The following TANC2 variants were observed in gnomAD, a reference collection of about 807,000 sequenced individuals.
TANC2 encodes the protein tetratricopeptide repeat, ankyrin repeat and coiled-coil containing 2.
Under a neutral mutation model 210.5 loss-of-function variants are expected in TANC2, and 26 were observed. The ratio of observed to expected loss-of-function variants is 0.12; its 90% CI spans 0.09 to 0.17. The LOEUF (loss-of-function observed/expected upper bound fraction) is 0.17. Among genes scored for constraint, TANC2 ranks in the 10% least tolerant of loss-of-function variants. TANC2 has a pLI of 1.00. For missense variants in TANC2, 2,129 were observed against 2,608.9 expected, an observed-to-expected ratio of 0.82 and a Z score of 4.01; for synonymous variants, 931 against 967.1, an observed-to-expected ratio of 0.96 and a Z score of 0.69.
intron 9 of TANC2, among the ~76,000 whole-genome samples, chr17:63,311,426 T>G (rs1322943130): frequency 6.6e-6 from 1 of 152,198 alleles, no homozygotes; most frequent in Non-Finnish European, 1.5e-5. Context: ...TAAGTATATA[T>G]GGTACAGGCA....
chr17:63,061,345 T>A (rs1485994842), intron 2 of TANC2, among the ~76,000 whole-genome samples: 1 of 151,002 alleles, frequency 6.6e-6, no homozygotes, highest in Non-Finnish European at 1.5e-5. Context: ...CCAGCCTGGG[T>A]GACAAGAGCG....
intron 15 of TANC2, 51 bp from the exon 16 acceptor site, chr17:63,388,584 C>G: frequency 1.9e-6 from 3 of 1,560,410 alleles, no homozygotes; most frequent in Non-Finnish European, 2.6e-6. Context: ...ACCACTGATG[C>G]TACTTTTTTT....
At chr17:63,240,896 T>C (rs1194394164) in intron 8 of TANC2, among the ~76,000 whole-genome samples, 1 of 152,226 alleles carries the variant, frequency 6.6e-6, no homozygotes, top group East Asian at 1.9e-4. Context: ...CAGTCTACTT[T>C]GTGTTATGTG....
chr17:63,308,517 G>A (rs913712364), intron 9 of TANC2, among the ~76,000 whole-genome samples: 2 of 152,134 alleles, frequency 1.3e-5, no homozygotes, highest in African/African-American at 4.8e-5. Context: ...CAAGTACTCA[G>A]CCTGACATTC....
At chr17:63,128,342 T>G (rs1319044607) in intron 4 of TANC2, among the ~76,000 whole-genome samples, 1 of 152,142 alleles carries the variant, frequency 6.6e-6, no homozygotes, top group East Asian at 1.9e-4. Context: ...TCAAAATAAC[T>G]CATACGCCCC....
intron 5 of TANC2, among the ~76,000 whole-genome samples, chr17:63,185,620 C>G (rs1162699255): frequency 6.6e-6 from 1 of 152,176 alleles, no homozygotes; most frequent in East Asian, 1.9e-4. Context: ...TTTACATTCC[C>G]ATCAGCACAG....
At chr17:63,109,085 C>T (rs529153832) in intron 4 of TANC2, among the ~76,000 whole-genome samples, 2 of 151,036 alleles carry the variant, frequency 1.3e-5, no homozygotes, top group African/African-American at 2.5e-5. Context: ...TGAAATGTAG[C>T]CAAAGTGGTA....
chr17:62,968,901 G>C (rs1021850049), intron 1 of TANC2, among the ~76,000 whole-genome samples: 1 of 152,106 alleles, frequency 6.6e-6, no homozygotes, highest in African/African-American at 2.4e-5. Context: ...CAGGAAGAGG[G>C]TGCAATACAA....
At chr17:63,377,376 T>A (rs1195545527) in intron 14 of TANC2, among the ~76,000 whole-genome samples, 1 of 152,212 alleles carries the variant, frequency 6.6e-6, no homozygotes. Flanking sequence ...TCTTGAATGT[T>A]TTGCTACTTA....
chr17:62,993,175 C>G (rs1490743165), intron 1 of TANC2, among the ~76,000 whole-genome samples: 1 of 152,192 alleles, frequency 6.6e-6, no homozygotes, highest in Non-Finnish European at 1.5e-5. Flanking sequence ...TCAACTTAAT[C>G]ACATCTTCAG....
intron 7 of TANC2, among the ~76,000 whole-genome samples, chr17:63,233,650 A>G (rs1197974457): frequency 1.3e-5 from 2 of 152,174 alleles, no homozygotes; most frequent in Non-Finnish European, 2.9e-5. Context: ...CCAAACGCAT[A>G]TATTTCTCGT....
chr17:63,420,652 A>G lies in TANC2; in HGVS notation c.4922A>G (p.Gln1641Arg), dbSNP rs1328260134. Reference sequence around the variant, plus strand: ...GAAAGTATGAGTGTCTATAGATCCCAGTCTGGTTCACCCGTGCGCTATCAG... The same window carrying G: ...GAAAGTATGAGTGTCTATAGATCCCGGTCTGGTTCACCCGTGCGCTATCAG... Residue 1641 changes from glutamine (Q) to arginine (R), a missense_variant, in exon 28 of 28, where the codon CAG becomes CGG. Around this residue, in one of 5 missense-constraint regions of TANC2, gnomAD observed 584 missense variants for 627.3 expected, o/e 0.93. Coordinates refer to ENST00000689528, the Ensembl canonical transcript of TANC2. The surrounding 1 kb of genome is among the most constrained non-coding windows in gnomAD (Gnocchi z 4.2). 1.2e-6 allele frequency: 2 copies of G among 1,613,798 alleles called. No homozygotes were observed. The highest frequency in any genetic ancestry group is 1.7e-6 in the Non-Finnish European group (2 of 1,179,814).
chr17:62,974,149 A>G (rs9889348), intron 1 of TANC2, among the ~76,000 whole-genome samples: 76,988 of 152,058 alleles, frequency 0.51, 20,877 homozygotes, highest in African/African-American at 0.7. Context: ...TTCGCAGGGC[A>G]TAATTCCTTC....
At chr17:63,263,948 A>G (rs913431734) in intron 8 of TANC2, among the ~76,000 whole-genome samples, 2 of 152,196 alleles carry the variant, frequency 1.3e-5, no homozygotes, top group Non-Finnish European at 2.9e-5. Flanking sequence ...GTAACAAACT[A>G]TACGGAAATA....
chr17:63,204,163 C>T, intron 7 of TANC2, among the ~76,000 whole-genome samples: 1 of 150,670 alleles, frequency 6.6e-6, no homozygotes, highest in Non-Finnish European at 1.5e-5. Context: ...ACAAAATCAA[C>T]ACCAAAACAA....
intron 2 of TANC2, among the ~76,000 whole-genome samples, chr17:63,069,140 G>A (rs908539131): frequency 1.3e-5 from 2 of 151,886 alleles, no homozygotes; most frequent in Non-Finnish European, 2.9e-5. Context: ...ATTTTTCACC[G>A]TATTTTCTAT....
rs928119130 is a variant in TANC2, at chr17:63,261,138, G to A, written c.1034-6610G>A. Reference sequence around the variant, plus strand: ...CCTGCCTTAGCCTCCCAGCTACTTCGGAGGCTGAGGCAGGAGTATGGCTTG... The same window carrying A: ...CCTGCCTTAGCCTCCCAGCTACTTCAGAGGCTGAGGCAGGAGTATGGCTTG... On this transcript the variant is annotated intron_variant, in intron 8 of 27. Transcript: ENST00000689528. Among the ~76,000 whole-genome samples the A allele has an allele frequency of 4.6e-5, 7 of 152,136 alleles. No homozygotes were observed. In the East Asian group the frequency reaches 1.4e-3, roughly 29 times the overall value.
chr17:63,408,074 C>T (rs1284925094), intron 21 of TANC2, among the ~76,000 whole-genome samples: 2 of 152,190 alleles, frequency 1.3e-5, no homozygotes, highest in Non-Finnish European at 2.9e-5. Flanking sequence ...AACAATCACT[C>T]TGGCAGTATG....
intron 8 of TANC2, among the ~76,000 whole-genome samples, chr17:63,247,240 G>T (rs1034204826): frequency 6.6e-6 from 1 of 151,758 alleles, no homozygotes; most frequent in Non-Finnish European, 1.5e-5. Context: ...TTTCTTACTG[G>T]TATATTAGGA....
Sources: allele counts gnomAD v4.1 joint callset (sites outside exome capture counted in the v4.1 genomes callset), GRCh38; gene constraint gnomAD v4.1.1; regional missense constraint gnomAD v4.1.1; non-coding constraint Gnocchi (gnomAD v3.1); transcripts MANE v1.5; gene names NCBI Gene and HGNC (gene_info 2026-07-23, HGNC 2026-07-21).